GET1: variants seen among roughly 807,000 people sequenced by gnomAD.
GET1 encodes the protein congenital heart disease 5 protein.
Under a neutral mutation model 22.6 loss-of-function variants are expected in GET1, and 20 were observed. The observed-to-expected ratio is 0.89, with a 90% CI of 0.62 to 1.29. GET1 has a LOEUF of 1.29. Ranked by LOEUF, GET1 falls within the 50% of genes most tolerant of loss-of-function variation. GET1 has a pLI of 0.00. For synonymous variants in GET1, 92 were observed against 83.8 expected (o/e 1.10, Z -0.53); for missense variants, 209 against 219.9 (o/e 0.95, Z 0.31).
Position 39,418,057 on chromosome 21 carries a change from C to CCTG in GET1, c.*23+7120_*23+7121insCTG, listed in dbSNP as rs1569086199. The stretch of plus-strand genomic sequence containing the variant: ...CTGGGATTACAGGCGTGAGCCACCG[C>CCTG]GCCCAGCGGGGGAGTTTCTTTTTAT... On this transcript the variant is annotated intron_variant, in intron 1 of 1. Coordinates refer to the GET1 transcript ENST00000478273. Among the ~76,000 whole-genome samples the CCTG allele has an allele frequency of 7.2e-5, 11 of 152,068 alleles. No homozygotes were observed. The East Asian group carries it at 2.2e-3, about 30-fold the overall frequency.
At chr21:39,399,886 T>A (rs1404189800), downstream of GET1, among the ~76,000 whole-genome samples, 2 of 150,920 alleles carry the variant, frequency 1.3e-5, no homozygotes, top group African/African-American at 2.4e-5. Flanking sequence ...AATTTTTAAA[T>A]ATACAAATCC....
intron 1 of GET1, among the ~76,000 whole-genome samples, chr21:39,418,487 T>C (rs1478532597): frequency 6.6e-6 from 1 of 152,126 alleles, no homozygotes; most frequent in Non-Finnish European, 1.5e-5. Flanking sequence ...TTAAAAATGG[T>C]TATTTTTATT....
At chr21:39,385,802 C>T (rs1404749886) in intron 1 of GET1, among the ~76,000 whole-genome samples, 4 of 152,058 alleles carry the variant, frequency 2.6e-5, no homozygotes, top group African/African-American at 9.7e-5. Context: ...GCACGCACTG[C>T]ACAGGTGCCC....
intron 1 of GET1, chr21:39,422,192 A>T (rs1224592040): frequency 6.6e-6 from 1 of 152,232 alleles, no homozygotes; most frequent in Non-Finnish European, 1.5e-5. Flanking sequence ...ACTTACTTCA[A>T]GATCATAGAA....
intron 4 of GET1, among the ~76,000 whole-genome samples, chr21:39,394,977 C>T (rs1357416815): frequency 2.6e-5 from 4 of 151,950 alleles, no homozygotes; most frequent in African/African-American, 9.7e-5. Flanking sequence ...TCAAGCGGTC[C>T]TCCCACCTTA....
At chr21:39,404,296 G>T (rs2038932247) in intron 4 of GET1, among the ~76,000 whole-genome samples, 1 of 152,270 alleles carries the variant, frequency 6.6e-6, no homozygotes, top group African/African-American at 2.4e-5. Context: ...CTGTTTTATG[G>T]TTTTTAGAAC....
chr21:39,405,864 T>G, intron 4 of GET1: 1 of 1,512,726 alleles, frequency 6.6e-7, no homozygotes, highest in Non-Finnish European at 8.9e-7. Context: ...CCAGAATGCA[T>G]TAGGATATTG....
In GET1 at chr21:39,381,441, A is replaced by C. The variant is rs147095518; in HGVS notation, c.102+955A>C. Among the ~76,000 whole-genome samples, 7 of 152,304 alleles carry C rather than the reference A, an allele frequency of 4.6e-5. No homozygotes were observed. In the East Asian group the frequency reaches 1.3e-3, roughly 29 times the overall value. The stretch of plus-strand genomic sequence containing the variant: ...AGGATATTTTATTCCACCAGTATTC[A>C]TTGAGTGCCTGTTTTGTGCAAAACT... On this transcript the variant is annotated intron_variant, in intron 1 of 4. Transcript: ENST00000649170.
At chr21:39,383,090 A>G (rs2037659749) in intron 1 of GET1, among the ~76,000 whole-genome samples, 1 of 151,192 alleles carries the variant, frequency 6.6e-6, no homozygotes, top group African/African-American at 2.4e-5. Flanking sequence ...AGCTGGGACT[A>G]CAGGTGCCCA....
At chr21:39,391,453 A>C (rs1243412326) in intron 2 of GET1, 3 of 334,382 alleles carry the variant, frequency 9.0e-6, no homozygotes, top group Non-Finnish European at 1.7e-5. Context: ...ACTGGGAAAT[A>C]AGGAGGAAAA....
intron 1 of GET1, chr21:39,386,046 C>T (rs575226850): frequency 3.9e-5 from 6 of 152,396 alleles, no homozygotes; most frequent in Non-Finnish European, 5.9e-5. Flanking sequence ...GGCCCTTCCT[C>T]TCAATCCGAG....
intron 4 of GET1, among the ~76,000 whole-genome samples, chr21:39,403,069 A>G (rs1053973745): frequency 1.3e-5 from 2 of 152,196 alleles, no homozygotes; most frequent in African/African-American, 2.4e-5. Flanking sequence ...TCTGTCTGCT[A>G]TGAAGCTGGA....
At chr21:39,404,825 A>G (rs1601659332) in intron 4 of GET1, among the ~76,000 whole-genome samples, 2 of 150,264 alleles carry the variant, frequency 1.3e-5, no homozygotes, top group African/African-American at 2.4e-5. Flanking sequence ...ACATACATAC[A>G]TATATGTATT....
At chr21:39,393,608 T>C (rs1238846161) in intron 4 of GET1, among the ~76,000 whole-genome samples, 1 of 152,186 alleles carries the variant, frequency 6.6e-6, no homozygotes, top group Non-Finnish European at 1.5e-5. Context: ...ATCCCTATTA[T>C]GGTTGGCTTC....
intron 4 of GET1, among the ~76,000 whole-genome samples, chr21:39,403,058 CTCTG>C (rs1249593352): frequency 6.6e-6 from 1 of 152,146 alleles, no homozygotes; most frequent in African/African-American, 2.4e-5. Context: ...TTGGAAAATC[CTCTG>C]TCTGCTATGA....
intron 4 of GET1, 85 bp downstream of exon 4, chr21:39,393,365 T>C (rs1569040239): frequency 1.9e-6 from 2 of 1,073,630 alleles, no homozygotes; most frequent in Non-Finnish European, 2.8e-6. Context: ...TAGCCTGACA[T>C]CCTCCTCACC....
chr21:39,414,742 CTGTGTGTG>C (rs66478742), intron 1 of GET1, among the ~76,000 whole-genome samples: 220 of 99,232 alleles, frequency 2.2e-3, no homozygotes, highest in African/African-American at 9.1e-3. Flanking sequence ...CTCTCTCTCT[CTGTGTGTG>C]TGTGTGTGTG....
Position 39,420,668 on chromosome 21 carries a change from C to T in GET1, c.*24-7564C>T, listed in dbSNP as rs373572715. ...TAAATAGCTCATATATTTCGGGAAA[C>T]AGGATTTCATTCTTACATTTTGTTT... On this transcript the variant is annotated intron_variant, in intron 1 of 1. Coordinates refer to the GET1 transcript ENST00000478273. 204 of 1,566,202 alleles carry T rather than the reference C, an allele frequency of 1.3e-4. No individual in the cohort carries two copies. In the African/African-American group the frequency reaches 2.5e-3, roughly 19 times the overall value.
At chr21:39,417,835 C>A (rs527239521) in intron 1 of GET1, among the ~76,000 whole-genome samples, 2 of 152,002 alleles carry the variant, frequency 1.3e-5, no homozygotes, top group Non-Finnish European at 2.9e-5. Flanking sequence ...GCGTGATCTC[C>A]GCTCACTGCA....
Sources: gnomAD v4.1 joint callset for allele counts (sites outside exome capture counted in the v4.1 genomes callset) on GRCh38, gnomAD v4.1.1 for gene constraint, MANE v1.5 for transcripts, NCBI Gene and HGNC (gene_info 2026-07-23, HGNC 2026-07-21) for gene names.